Variants in PHF19 observed in about 807,000 individuals in gnomAD.
The protein encoded by PHF19 is PHD finger protein 19.
In PHF19, 21 loss-of-function variants were observed where a neutral mutation model predicts 79.8. The observed-to-expected ratio is 0.26, with a 90% CI of 0.19 to 0.38. The LOEUF is 0.38. PHF19 is among the 10% of genes least tolerant of loss of function. PHF19 has a pLI of 1.00. For synonymous variants in PHF19, 273 were observed against 296.3 expected (o/e 0.92, Z 0.81); for missense variants, 445 against 744.2 (o/e 0.60, Z 4.68).
chr9:120,879,091 A>C (rs1930778), upstream of PHF19, among the ~76,000 whole-genome samples: 99,429 of 151,916 alleles, frequency 0.65, 32,656 homozygotes, highest in South Asian at 0.8. Context: ...TTCTTGCTCC[A>C]GAGACTTTAA....
Position 120,869,311 on chromosome 9 carries a change from T to G in PHF19, c.485A>C (p.Lys162Thr). Residue 162 changes from lysine (K) to threonine (T), a missense_variant, in exon 6 of 15, where the codon AAG becomes ACG. By Grantham distance (78) the Lys-to-Thr change is moderately conservative. Coordinates refer to ENST00000373896, the MANE Select transcript of PHF19 (RefSeq NM_015651.3). The surrounding 1 kb of genome is among the most constrained non-coding windows in gnomAD (Gnocchi z 5.8). The stretch of plus-strand genomic sequence containing the variant: ...CTGCAGCGTCCTGGCGATGGCGCCC[T>G]TCTTCAGCGCGCCGCCTTTCTGGGG... ...LAVRKGGALK[K>T]GAIARTLQAV... 4 of 1,612,628 alleles carry G rather than the reference T, an allele frequency of 2.5e-6. No homozygotes were observed. Among genetic ancestry groups the G allele is most frequent in the Non-Finnish European group, 3.4e-6 (4 of 1,179,746 alleles).
intron 3 of PHF19, among the ~76,000 whole-genome samples, chr9:120,872,037 CAAAAAAAAAAAAAA>C (rs1170243737): frequency 3.1e-3 from 95 of 30,320 alleles, no homozygotes; most frequent in Non-Finnish European, 4.6e-3. Flanking sequence ...GACTCTGTCT[CAAAAAAAAAAAAAA>C]AAAAAAAAAA....
chr9:120,887,511 G>A (rs2046281437), intron 1 of PHF19, among the ~76,000 whole-genome samples: 1 of 152,164 alleles, frequency 6.6e-6, no homozygotes, highest in Non-Finnish European at 1.5e-5. Flanking sequence ...GAAGACTCAA[G>A]CATCAATTCC....
At chr9:120,872,066 A>G (rs866306752) in intron 3 of PHF19, among the ~76,000 whole-genome samples, 2,670 of 148,552 alleles carry the variant, frequency 0.018, 34 homozygotes, top group Non-Finnish European at 0.028. Context: ...AAAAAAAAAA[A>G]AAGAAATGGT....
At chr9:120,864,001 C>T (rs1397192473) in intron 10 of PHF19, 48 bp downstream of exon 10, 2 of 1,474,560 alleles carry the variant, frequency 1.4e-6, no homozygotes, top group Non-Finnish European at 1.9e-6. Flanking sequence ...AGGAAGGAAT[C>T]TCACCTGTAG....
chr9:120,887,553 T>C (rs2046282088), intron 1 of PHF19, among the ~76,000 whole-genome samples: 1 of 152,094 alleles, frequency 6.6e-6, no homozygotes, highest in Non-Finnish European at 1.5e-5. Flanking sequence ...GCCTGCCCTA[T>C]AGATTTTGGA....
At chr9:120,880,682 C>CTT (rs2046166731), upstream of PHF19, among the ~76,000 whole-genome samples, 1 of 152,220 alleles carries the variant, frequency 6.6e-6, no homozygotes, top group Non-Finnish European at 1.5e-5. Context: ...ACGCATTCAG[C>CTT]TGGGCCCGTG....
Position 120,869,170 on chromosome 9 carries a change from C to T in PHF19, c.614+12G>A. Reference sequence around the variant, plus strand: ...GCCCTGCCGCCCGGGGGGCCCTGACCCCCTGCCTTACTCTCCGGGCCCGCC... The same window carrying T: ...GCCCTGCCGCCCGGGGGGCCCTGACTCCCTGCCTTACTCTCCGGGCCCGCC... On this transcript the variant is annotated intron_variant, in intron 6 of 14. Transcript: ENST00000373896. The surrounding 1 kb of genome is among the most constrained non-coding windows in gnomAD (Gnocchi z 5.8). 1 of 1,603,178 alleles carries T rather than the reference C, an allele frequency of 6.2e-7. No individual in the cohort carries two copies. Among genetic ancestry groups the T allele is most frequent in the African/African-American group, 1.3e-5 (1 of 74,860 alleles).
At chr9:120,879,536 G>A (rs903489241), upstream of PHF19, among the ~76,000 whole-genome samples, 1 of 152,192 alleles carries the variant, frequency 6.6e-6, no homozygotes, top group Non-Finnish European at 1.5e-5. Flanking sequence ...ATCTCGTGGG[G>A]CTGTTGCATA....
chr9:120,894,005 C>T (rs78432780), intron 1 of PHF19, among the ~76,000 whole-genome samples: 505 of 152,318 alleles, frequency 3.3e-3, no homozygotes, highest in African/African-American at 0.011. Context: ...ATGTGGGGCC[C>T]ACCCAGCGCT....
At chr9:120,877,413 G>T (rs923396523), upstream of PHF19, 2 of 962,666 alleles carry the variant, frequency 2.1e-6, no homozygotes, top group African/African-American at 1.8e-5. Context: ...GCGGCCGCCG[G>T]GCTCCGCAGC....
rs764941582 is a variant in PHF19 at position 120,860,140 on chromosome 9, G to A, written c.1350C>T (p.Asp450=). Residue 450 remains aspartate (D), a synonymous_variant, in exon 14 of 15, where the codon GAC becomes GAT. Transcript: ENST00000373896. This position sits in a 1 kb window ranked among gnomAD's most constrained non-coding sequence, Gnocchi z 4.1. ...AGGCAGAGCCAGAGGTGCTGGCAGCGTCGGTGGAGTCGACATCTGAGAAGA... is the reference window on the plus strand; with the variant it reads ...AGGCAGAGCCAGAGGTGCTGGCAGCATCGGTGGAGTCGACATCTGAGAAGA... The part of the protein sequence containing the change: ...QTFFSDVDST[D]AASTSGSAST... 5.2e-5 allele frequency: 83 copies of A among 1,599,508 alleles called. No homozygotes were observed. The highest frequency in any genetic ancestry group is 6.5e-5 in the Non-Finnish European group (76 of 1,172,944).
chr9:120,892,916 T>C (rs1196431290), intron 1 of PHF19, among the ~76,000 whole-genome samples: 2 of 152,132 alleles, frequency 1.3e-5, no homozygotes, highest in Non-Finnish European at 2.9e-5. Context: ...GAGGGCAGGA[T>C]GGTAGAGTGG....
chr9:120,888,759 G>GAC (rs1173889263), intron 1 of PHF19, among the ~76,000 whole-genome samples: 2 of 152,196 alleles, frequency 1.3e-5, no homozygotes, highest in Non-Finnish European at 2.9e-5. Flanking sequence ...CAAAGGGCAG[G>GAC]ACCAAGAGAG....
At chr9:120,859,509 G>A (rs541839347) in intron 14 of PHF19, among the ~76,000 whole-genome samples, 62 of 152,216 alleles carry the variant, frequency 4.1e-4, no homozygotes, top group African/African-American at 1.4e-3. Context: ...CCCTGTGCTC[G>A]ACCACTCCCC....
intron 14 of PHF19, among the ~76,000 whole-genome samples, chr9:120,859,665 C>T (rs1445123249): frequency 6.6e-6 from 1 of 152,122 alleles, no homozygotes; most frequent in Non-Finnish European, 1.5e-5. Flanking sequence ...CTTAGAGACC[C>T]CGGAAGACAG....
chr9:120,885,946 T>C (rs1417723707), intron 1 of PHF19, among the ~76,000 whole-genome samples: 1 of 152,182 alleles, frequency 6.6e-6, no homozygotes, highest in Non-Finnish European at 1.5e-5. Context: ...AAAGCTAATC[T>C]TCACTCTTTT....
chr9:120,878,832 A>G (rs1313486441), upstream of PHF19, among the ~76,000 whole-genome samples: 1 of 152,164 alleles, frequency 6.6e-6, no homozygotes, highest in East Asian at 1.9e-4. Flanking sequence ...TCAAGTCCCA[A>G]AGGGGCCCTA....
In PHF19 at chr9:120,866,803, T is replaced by C; in HGVS notation, c.710+67A>G. 6.0e-6 allele frequency: 5 copies of C among 834,072 alleles called. 2 individuals carry two copies. In the Admixed American group the frequency reaches 8.7e-5, roughly 15 times the overall value. 51.7% of individuals were successfully genotyped at this position (834,072 alleles called of 1,614,324 possible). ...GAGCCTGGCAGTCAACCTGCAGGAG[T>C]TGTTGCTGCCATCCCTGCCCTCTCC... On this transcript the variant is annotated intron_variant, in intron 7 of 14. Coordinates refer to ENST00000373896, the MANE Select transcript of PHF19 (RefSeq NM_015651.3). This position sits in a 1 kb window ranked among gnomAD's most constrained non-coding sequence, Gnocchi z 5.2.
Sources: allele counts gnomAD v4.1 joint callset (sites outside exome capture counted in the v4.1 genomes callset), GRCh38; gene constraint gnomAD v4.1.1; non-coding constraint Gnocchi (gnomAD v3.1); transcripts MANE v1.5; gene names NCBI Gene and HGNC (gene_info 2026-07-23, HGNC 2026-07-21).